ZNF224: variants seen among roughly 807,000 people sequenced by gnomAD.
The protein encoded by ZNF224 is bone marrow zinc finger 2.
A neutral mutation model predicts 10.5 loss-of-function variants in ZNF224; 8 were observed. The ratio of observed to expected loss-of-function variants is 0.76; its 90% CI spans 0.45 to 1.37. The LOEUF is 1.37. Among genes scored for constraint, ZNF224 ranks in the 40% most tolerant of loss-of-function variants. The probability of loss-of-function intolerance (pLI) is 0.00; values close to 1 mark genes in which losing one functional copy is unlikely to be tolerated. For missense variants in ZNF224, 754 were observed against 854.0 expected, an observed-to-expected ratio of 0.88 and a Z score of 1.46; for synonymous variants, 282 against 287.8, an observed-to-expected ratio of 0.98 and a Z score of 0.20.
chr19:44,095,094 C>A, intron 1 of ZNF224: 1 of 227,494 alleles, frequency 4.4e-6, no homozygotes, highest in South Asian at 7.4e-5. Flanking sequence ...TTCTCGTTCC[C>A]CAACCCGACC....
intron 5 of ZNF224, 50 bp from the exon 6 acceptor site, chr19:44,106,346 C>CT (rs1362890072): frequency 6.3e-7 from 1 of 1,592,916 alleles, no homozygotes; most frequent in Admixed American, 1.7e-5. Context: ...CTTGATAACA[C>CT]TGAACAAAGG....
rs1967697574 is a variant in ZNF224 at position 44,107,294 on chromosome 19, G to A, written c.1134G>A (p.Gly378=). ...AGCCATATAATTGTAAAGAGTGTGG[G>A]AAGAGCTTCAGATGGGCCTCGTGTC... The part of the protein sequence containing the change: ...GEKPYNCKEC[G]KSFRWASCLL... Residue 378 remains glycine (G), a synonymous_variant, in exon 6 of 6, where the codon GGG becomes GGA. Coordinates refer to ENST00000693561, the MANE Select transcript of ZNF224 (RefSeq NM_001321645.3). 1.9e-6 allele frequency: 3 copies of A among 1,585,672 alleles called. No individual in the cohort carries two copies. In the Admixed American group the frequency reaches 5.3e-5, roughly 28 times the overall value.
At chr19:44,097,056 A>T in intron 2 of ZNF224, 1 of 234,648 alleles carries the variant, frequency 4.3e-6, no homozygotes, top group East Asian at 1.4e-4. Context: ...CTTGGCCGAG[A>T]CGCTGTCTTT....
In ZNF224 at chr19:44,105,746, C is replaced by G. The variant is rs544940946; in HGVS notation, c.236-650C>G. ...CTTTGCATACCCATAGCTTAACTCCCACTTATAAGTGAAAACACGGTATTT... is the reference window on the plus strand; with the variant it reads ...CTTTGCATACCCATAGCTTAACTCCGACTTATAAGTGAAAACACGGTATTT... On this transcript the variant is annotated intron_variant, in intron 5 of 5. Transcript: ENST00000693561. 1.1e-3 allele frequency: 170 copies of G among 153,128 alleles called. No homozygotes were observed. The South Asian group carries it at 0.011, about 10-fold the overall frequency. 9.5% of individuals were successfully genotyped at this position (153,128 alleles called of 1,614,324 possible).
Position 44,107,407 on chromosome 19 carries a change from A to G in ZNF224, c.1247A>G (p.Tyr416Cys), listed in dbSNP as rs139625958. The change falls in exon 6 of 6, where the codon TAT (tyrosine) becomes TGT (cysteine). Residue 416 changes from tyrosine to cysteine, a missense_variant. Coordinates refer to ENST00000693561, the MANE Select transcript of ZNF224 (RefSeq NM_001321645.3). ...GGATTTTACACAAATTCACAATGCT[A>G]TTCCCACCAGAGATCCCATAGTGGA... is the stretch of plus-strand genomic sequence containing the variant. ...GKGFYTNSQC[Y>C]SHQRSHSGEK... 9 of 1,609,108 alleles carry G rather than the reference A, an allele frequency of 5.6e-6. No homozygotes were observed. The highest frequency in any genetic ancestry group is 2.7e-5 in the African/African-American group (2 of 74,626).
Position 44,106,911 on chromosome 19 carries a change from CA to C in ZNF224, c.752del (p.His251LeufsTer86), listed in dbSNP as rs759327708. The C allele has an allele frequency of 3.1e-6, 5 of 1,608,914 alleles. No individual in the cohort carries two copies. The highest frequency in any genetic ancestry group is 1.7e-4 in the Middle Eastern group (1 of 6,034). ...TCGTAGATCAGCACTTAATGTTCATCATAAATTACACACAGGAGAGAAACCT... is the reference window on the plus strand; with the variant it reads ...TCGTAGATCAGCACTTAATGTTCATCTAAATTACACACAGGAGAGAAACCT... Reference protein sequence around the residue: ...FSRRSALNVHHKLHTGEKPYN... With the variant: ...FSRRSALNVHXKLHTGEKPYN... On this transcript the variant is annotated frameshift_variant, in exon 6 of 6. Transcript: ENST00000693561. LOFTEE classifies it low-confidence loss of function (END_TRUNC).
In ZNF224 at chr19:44,107,755, A is replaced by AG. The variant is rs1229514460; in HGVS notation, c.1597dup (p.Val533GlyfsTer11). 6.2e-7 allele frequency: 1 copy of AG among 1,609,230 alleles called. No homozygotes were observed. The highest frequency in any genetic ancestry group is 8.5e-7 in the Non-Finnish European group (1 of 1,178,448). On this transcript the variant is annotated frameshift_variant, in exon 6 of 6. Transcript: ENST00000693561. LOFTEE classifies it low-confidence loss of function (END_TRUNC). ...AAGTTTAATCTTGATATGCACCAGA[A>AG]GGTCCACACAGGAGAGAGACCATAC...
At chr19:44,095,598 C>T (rs1967420896) in intron 1 of ZNF224, 1 of 152,184 alleles carries the variant, frequency 6.6e-6, no homozygotes, top group African/African-American at 2.4e-5. Context: ...AGAACCATGT[C>T]ATTGTACAGC....
intron 3 of ZNF224, 25 bp downstream of exon 3, chr19:44,097,913 T>C: frequency 6.2e-7 from 1 of 1,613,514 alleles, no homozygotes; most frequent in Non-Finnish European, 8.5e-7. Context: ...CTTCTATTAC[T>C]CTTAAAATTC....
intron 3 of ZNF224, among the ~76,000 whole-genome samples, chr19:44,098,095 A>C (rs1393061148): frequency 6.6e-6 from 1 of 152,218 alleles, no homozygotes; most frequent in Non-Finnish European, 1.5e-5. Context: ...TATGGAGTAG[A>C]CAAGATTGTA....
At chr19:44,105,390 C>G (rs1338906035) in intron 5 of ZNF224, 2 of 152,270 alleles carry the variant, frequency 1.3e-5, no homozygotes, top group Non-Finnish European at 2.9e-5. Flanking sequence ...ATTATATACA[C>G]AATTTATTAG....
chr19:44,108,070 C>A lies in ZNF224; in HGVS notation c.1910C>A (p.Ser637Ter), dbSNP rs1440831228. The A allele has an allele frequency of 6.2e-6, 10 of 1,612,000 alleles. No homozygotes were observed. The highest frequency in any genetic ancestry group is 7.6e-6 in the Non-Finnish European group (9 of 1,178,512). ...CATGGGAAGAACATTGTACAGAATT[C>A]ATTCTCTAAAGTGCAAGAAAAAGTT... ...EQHGKNIVQN[S>*]FSKVQEKVHS... Residue 637 changes from serine to a stop codon, truncating the protein, a stop_gained, in exon 6 of 6, where the codon TCA becomes TAA. Coordinates refer to ENST00000693561, the MANE Select transcript of ZNF224 (RefSeq NM_001321645.3). LOFTEE classifies it low-confidence loss of function (END_TRUNC).
At position 44,101,024 on chromosome 19, in the gene ZNF224, C is replaced by G. The variant is rs185605612; in HGVS notation, c.142+97C>G. The G allele has an allele frequency of 3.7e-6, 6 of 1,610,206 alleles. No homozygotes were observed. In the East Asian group the frequency reaches 8.9e-5, roughly 24 times the overall value. On this transcript the variant is annotated intron_variant, in intron 4 of 5. Transcript: ENST00000693561. ...TCAAGTCTTAATTAGTAACTTGAAC[C>G]TATGGTTCAAGTTTGAGTGTGCAGT...
At chr19:44,102,903 T>C (rs992492633) in intron 5 of ZNF224, among the ~76,000 whole-genome samples, 1 of 152,300 alleles carries the variant, frequency 6.6e-6, no homozygotes, top group African/African-American at 2.4e-5. Flanking sequence ...CTGCAGCCCA[T>C]TTGCCTTTCC....
chr19:44,098,941 A>G (rs1231692237), intron 3 of ZNF224, among the ~76,000 whole-genome samples: 1 of 152,136 alleles, frequency 6.6e-6, no homozygotes, highest in Non-Finnish European at 1.5e-5. Flanking sequence ...TTGTTTCTTC[A>G]TTTACTCCTC....
intron 3 of ZNF224, among the ~76,000 whole-genome samples, chr19:44,098,572 G>A (rs1027327857): frequency 6.6e-6 from 1 of 152,004 alleles, no homozygotes; most frequent in African/African-American, 2.4e-5. Context: ...TTTGACCAAA[G>A]TAATATGTAA....
chr19:44,096,693 C>T (rs545738691), intron 2 of ZNF224, among the ~76,000 whole-genome samples: 1 of 152,312 alleles, frequency 6.6e-6, no homozygotes, highest in South Asian at 2.1e-4. Flanking sequence ...TCTGCCACCA[C>T]CACCTGTGTT....
Position 44,108,393 on chromosome 19 carries a change from C to G in ZNF224, c.*109C>G. 1 of 1,117,374 alleles carries G rather than the reference C, an allele frequency of 8.9e-7. No homozygotes were observed. The highest frequency in any genetic ancestry group is 1.6e-5 in the South Asian group (1 of 61,650). The allele number at this position is 1,117,374 out of a possible 1,614,324, so 69.2% of individuals were successfully genotyped here. ...AATATGAGGCACATAGTAAGCACTT[C>G]CCTTTGAGTATTTTATCTCTGAATC... On this transcript the variant is annotated 3_prime_UTR_variant, in exon 6 of 6. Transcript: ENST00000693561.
At chr19:44,104,566 G>C (rs931521969) in intron 5 of ZNF224, among the ~76,000 whole-genome samples, 51 of 152,214 alleles carry the variant, frequency 3.4e-4, no homozygotes, top group African/African-American at 1.2e-3. Flanking sequence ...TGAGGATCTT[G>C]TATTGTATTC....
Sources: gnomAD v4.1 joint callset for allele counts (sites outside exome capture counted in the v4.1 genomes callset) on GRCh38, gnomAD v4.1.1 for gene constraint, MANE v1.5 for transcripts, NCBI Gene and HGNC (gene_info 2026-07-23, HGNC 2026-07-21) for gene names.